Variants in RASIP1 observed in about 807,000 individuals in gnomAD.
The protein encoded by RASIP1 is ras-interacting protein 1.
A neutral mutation model predicts 85.3 loss-of-function variants in RASIP1; 20 were observed. The observed-to-expected ratio is 0.23, with a 90% CI of 0.17 to 0.34. The LOEUF is 0.34. Ranked by LOEUF, RASIP1 falls within the 10% of genes least tolerant of loss-of-function variation. RASIP1 has a pLI of 1.00. For missense variants in RASIP1, 1,170 were observed against 1,390.9 expected (o/e 0.84, Z 2.53); for synonymous variants, 617 against 647.1 (o/e 0.95, Z 0.71).
intron 10 of RASIP1, among the ~76,000 whole-genome samples, chr19:48,723,722 A>C (rs2033291861): frequency 6.6e-6 from 1 of 152,110 alleles, no homozygotes; most frequent in Admixed American, 6.6e-5. Flanking sequence ...GTTCATGTTC[A>C]ATGAATGTTT....
Position 48,739,268 on chromosome 19 carries a change from G to A in RASIP1, c.515C>T (p.Ala172Val). 1 of 1,466,574 alleles carries A rather than the reference G, an allele frequency of 6.8e-7. No homozygotes were observed. Among genetic ancestry groups the A allele is most frequent in the Non-Finnish European group, 8.9e-7 (1 of 1,117,588 alleles). 90.8% of individuals were successfully genotyped at this position (1,466,574 alleles called of 1,614,324 possible). ...KSVLATARST[A>V]RELVAEALER... ...TAGCGCCTCGGCCACGAGCTCGCGC[G>A]CCGTGGAGCGCGCCGTGGCCAGCAC... is the stretch of plus-strand genomic sequence containing the variant. Residue 172 changes from alanine (A) to valine (V), a missense_variant, in exon 3 of 12, where the codon GCG becomes GTG. Ala to Val is a moderately conservative substitution (Grantham distance 64). Transcript: ENST00000222145. This position sits in a 1 kb window ranked among gnomAD's most constrained non-coding sequence, Gnocchi z 9.2.
chr19:48,734,256 C>G (rs975825865), intron 4 of RASIP1, among the ~76,000 whole-genome samples: 3 of 151,790 alleles, frequency 2.0e-5, no homozygotes, highest in Non-Finnish European at 2.9e-5. Context: ...GATCGCGCCA[C>G]TGGAGTCCAG....
Position 48,724,730 on chromosome 19 carries a change from C to T in RASIP1, c.2358G>A (p.Ser786=), listed in dbSNP as rs372046630. The change falls in exon 9 of 12, where the codon TCG becomes TCA. Residue 786 remains serine, a synonymous_variant. Transcript: ENST00000222145. This position sits in a 1 kb window ranked among gnomAD's most constrained non-coding sequence, Gnocchi z 4.6. ...FFFSNASLLN[S]LMERGQGRPF... is the part of the protein sequence containing the mutation. ...GCCAACCTTCACCTCGTTCCATCAGCGAGTTGAGAAGGGATGCGTTGGAGA... is the reference window on the plus strand; with the variant it reads ...GCCAACCTTCACCTCGTTCCATCAGTGAGTTGAGAAGGGATGCGTTGGAGA... The T allele has an allele frequency of 5.1e-5, 82 of 1,613,998 alleles. No individual in the cohort carries two copies. In the African/African-American group the frequency reaches 6.9e-4, roughly 14 times the overall value.
chr19:48,726,687 G>A, intron 8 of RASIP1, 98 bp downstream of exon 8: 1 of 984,934 alleles, frequency 1.0e-6, no homozygotes, highest in Non-Finnish European at 1.5e-6. Context: ...ACACAGTGTA[G>A]TTCAAACAAG....
At position 48,738,810 on chromosome 19, in the gene RASIP1, A is replaced by G. The variant is rs1322754432; in HGVS notation, c.823+150T>C. On this transcript the variant is annotated intron_variant, in intron 3 of 11. Coordinates refer to ENST00000222145, the MANE Select transcript of RASIP1 (RefSeq NM_017805.3). The surrounding 1 kb of genome is among the most constrained non-coding windows in gnomAD (Gnocchi z 4.0). ...CTGCTCTAGCTCTGCCTAGAGTCCA[A>G]CACGCACCGTCCAGTCCCCTCCCAG... 1 of 1,003,108 alleles carries G rather than the reference A, an allele frequency of 1.0e-6. No homozygotes were observed. Among genetic ancestry groups the G allele is most frequent in the Non-Finnish European group, 1.3e-6 (1 of 795,038 alleles). 62.1% of individuals were successfully genotyped at this position (1,003,108 alleles called of 1,614,324 possible).
intron 3 of RASIP1, among the ~76,000 whole-genome samples, chr19:48,736,055 C>T (rs945516900): frequency 6.6e-5 from 10 of 151,610 alleles, no homozygotes; most frequent in Non-Finnish European, 1.5e-4. Flanking sequence ...GTGATCCTCC[C>T]GTCTCAGCCT....
At chr19:48,721,128 TC>T (rs1307618356) in intron 11 of RASIP1, 131 bp from the exon 12 acceptor site, 6 of 773,720 alleles carry the variant, frequency 7.8e-6, no homozygotes, top group Non-Finnish European at 1.2e-5. Flanking sequence ...TGGGGCGGGG[TC>T]CGTTCACACG....
Position 48,729,247 on chromosome 19 carries a change from C to G in RASIP1, c.1523G>C (p.Gly508Ala). The change falls in exon 5 of 12, where the codon GGG (glycine) becomes GCG (alanine). Residue 508 changes from glycine to alanine, a missense_variant. Physicochemically the swap from Gly to Ala is moderately conservative, Grantham distance 60. Transcript: ENST00000222145. ...ARPPWLPARP[G>A]ATPPGPGWAF... is the part of the protein sequence containing the mutation. ...CCAGCCAGGGCCTGGCGGCGTGGCC[C>G]CGGGGCGCGCGGGCAGCCACGGCGG... 6.9e-7 allele frequency: 1 copy of G among 1,445,734 alleles called. No individual in the cohort carries two copies. The highest frequency in any genetic ancestry group is 9.0e-7 in the Non-Finnish European group (1 of 1,105,622). The allele number at this position is 1,445,734 out of a possible 1,614,324, so 89.6% of individuals were successfully genotyped here.
In RASIP1 at chr19:48,724,989, G is replaced by T; in HGVS notation, c.2128-29C>A. The T allele has an allele frequency of 6.2e-7, 1 of 1,603,270 alleles. No individual in the cohort carries two copies. Among genetic ancestry groups the T allele is most frequent in the South Asian group, 1.1e-5 (1 of 90,524 alleles). On this transcript the variant is annotated intron_variant, in intron 8 of 11. Coordinates refer to ENST00000222145, the MANE Select transcript of RASIP1 (RefSeq NM_017805.3). This position sits in a 1 kb window ranked among gnomAD's most constrained non-coding sequence, Gnocchi z 4.6. ...AGAAAATAGAGAAGTGGAAACAAGTGATTGGACTACAACTCCCAGGAAGCT... is the reference window on the plus strand; with the variant it reads ...AGAAAATAGAGAAGTGGAAACAAGTTATTGGACTACAACTCCCAGGAAGCT...
chr19:48,735,010 ACT>A (rs917186881), intron 4 of RASIP1, among the ~76,000 whole-genome samples, 184 bp downstream of exon 4: 2 of 151,406 alleles, frequency 1.3e-5, no homozygotes, highest in African/African-American at 2.4e-5. Flanking sequence ...CCTCCATTGG[ACT>A]CTTTCTCAGC....
At position 48,738,873 on chromosome 19, in the gene RASIP1, G is replaced by A; in HGVS notation, c.823+87C>T. 1 of 1,060,470 alleles carries A rather than the reference G, an allele frequency of 9.4e-7. No homozygotes were observed. Among genetic ancestry groups the A allele is most frequent in the Non-Finnish European group, 1.2e-6 (1 of 863,200 alleles). 65.7% of individuals were successfully genotyped at this position (1,060,470 alleles called of 1,614,324 possible). On this transcript the variant is annotated intron_variant, in intron 3 of 11. Coordinates refer to ENST00000222145, the MANE Select transcript of RASIP1 (RefSeq NM_017805.3). This position sits in a 1 kb window ranked among gnomAD's most constrained non-coding sequence, Gnocchi z 4.0. ...GGCCCCGCCCCCAGCCAGCCCGCGA[G>A]TCCCACAAGCCCCGCCCAGGCCCCG...
intron 5 of RASIP1, among the ~76,000 whole-genome samples, chr19:48,728,303 T>A (rs913940303): frequency 1.3e-5 from 2 of 152,164 alleles, no homozygotes; most frequent in Non-Finnish European, 2.9e-5. Flanking sequence ...CTCACACTGA[T>A]CTCTGTCAAC....
rs1190929544 is a variant in RASIP1, at chr19:48,729,294, A to G, written c.1476T>C (p.Thr492=). Residue 492 remains threonine (T), a synonymous_variant, in exon 5 of 12, where the codon ACT becomes ACC. Transcript: ENST00000222145. ...GCGGCCTCGCAGGCCCCGAGCCCCC[A>G]GTGCGGGGGTCCTTGTACATGAACA... ...HFLFMYKDPR[T]GGSGPARPPW... 6.5e-7 allele frequency: 1 copy of G among 1,546,104 alleles called. No individual in the cohort carries two copies. Among genetic ancestry groups the G allele is most frequent in the South Asian group, 1.2e-5 (1 of 83,636 alleles).
Position 48,735,591 on chromosome 19 carries a change from GAC to G in RASIP1, c.824-42_824-41del. 6 of 1,465,904 alleles carry G rather than the reference GAC, an allele frequency of 4.1e-6. No individual in the cohort carries two copies. In the South Asian group the frequency reaches 8.1e-5, roughly 20 times the overall value. The allele number at this position is 1,465,904 out of a possible 1,614,324, so 90.8% of individuals were successfully genotyped here. ...AGAACAGTGAGGCTGAGCCTGGAAA[GAC>G]AGGGATAGACACAGAGCTGCAGATT... On this transcript the variant is annotated intron_variant, in intron 3 of 11. Transcript: ENST00000222145.
intron 4 of RASIP1, among the ~76,000 whole-genome samples, chr19:48,730,704 C>A (rs1024793351): frequency 1.3e-5 from 2 of 152,130 alleles, no homozygotes; most frequent in South Asian, 4.1e-4. Context: ...TCTCAATATT[C>A]CTCAAGCAAT....
At chr19:48,734,311 T>TA (rs937236276) in intron 4 of RASIP1, among the ~76,000 whole-genome samples, 4 of 151,646 alleles carry the variant, frequency 2.6e-5, no homozygotes, top group African/African-American at 7.3e-5. Flanking sequence ...AAAAGTTTAT[T>TA]AAAAAAATTT....
In RASIP1 at chr19:48,724,895, C is replaced by T. The variant is rs762346774; in HGVS notation, c.2193G>A (p.Pro731=). The change falls in exon 9 of 12, where the codon CCG becomes CCA. Residue 731 remains proline, a synonymous_variant. Transcript: ENST00000222145. The surrounding 1 kb of genome is among the most constrained non-coding windows in gnomAD (Gnocchi z 4.6). ...TGGCCCCCAGCTCCGCGCCAGGCCC[C>T]GGCAGCTCTGCACCAGCTGTGAAAG... ...SNPFTAGAEL[P]GPGAELGAMP... is the part of the protein sequence containing the mutation. 6 of 1,614,102 alleles carry T rather than the reference C, an allele frequency of 3.7e-6. No homozygotes were observed. The highest frequency in any genetic ancestry group is 1.7e-5 in the Admixed American group (1 of 60,012).
chr19:48,739,715 G>A lies in RASIP1; in HGVS notation c.138-70C>T, dbSNP rs1291547647. ...ACGACACGCCAAGACGGGGGTGGGG[G>A]CATATTAGGAGGGAAGTGGGCAGAG... On this transcript the variant is annotated intron_variant, in intron 2 of 11. Coordinates refer to ENST00000222145, the MANE Select transcript of RASIP1 (RefSeq NM_017805.3). This position sits in a 1 kb window ranked among gnomAD's most constrained non-coding sequence, Gnocchi z 9.2. The A allele has an allele frequency of 1.6e-6, 2 of 1,255,484 alleles. No homozygotes were observed. The highest frequency in any genetic ancestry group is 2.0e-6 in the Non-Finnish European group (2 of 993,322). The allele number at this position is 1,255,484 out of a possible 1,614,324, so 77.8% of individuals were successfully genotyped here. A position where few individuals can be genotyped will look rare whatever the true frequency, so the allele number is the denominator to read the frequency against.
chr19:48,723,951 G>A (rs1374334992), intron 10 of RASIP1, among the ~76,000 whole-genome samples: 1 of 152,098 alleles, frequency 6.6e-6, no homozygotes, highest in Non-Finnish European at 1.5e-5. Flanking sequence ...GGGATTACAG[G>A]CGTGCGCCAT....
Sources: allele counts gnomAD v4.1 joint callset (sites outside exome capture counted in the v4.1 genomes callset), GRCh38; gene constraint gnomAD v4.1.1; non-coding constraint Gnocchi (gnomAD v3.1); transcripts MANE v1.5; gene names NCBI Gene and HGNC (gene_info 2026-07-23, HGNC 2026-07-21).